Variants in PCDHGA10 observed in about 807,000 individuals in gnomAD.
PCDHGA10 encodes the protein protocadherin gamma-A10.
In PCDHGA10, 42 loss-of-function variants were observed where a neutral mutation model predicts 59.5. The observed-to-expected ratio is 0.71, with a 90% CI of 0.55 to 0.91. The LOEUF (loss-of-function observed/expected upper bound fraction) is 0.91. Ranked by LOEUF, PCDHGA10 falls within the 40% of genes least tolerant of loss-of-function variation. PCDHGA10 has a pLI of 0.00. For missense variants in PCDHGA10, 1,111 were observed against 1,198.2 expected (o/e 0.93, Z 1.07); for synonymous variants, 511 against 517.2 (o/e 0.99, Z 0.16).
rs1175280816 is a variant in PCDHGA10 at position 141,511,121 on chromosome 5, C to T, written c.2759C>T (p.Pro920Leu). 2 of 1,614,102 alleles carry T rather than the reference C, an allele frequency of 1.2e-6. No homozygotes were observed. Among genetic ancestry groups the T allele is most frequent in the African/African-American group, 1.3e-5 (1 of 74,938 alleles). Residue 920 changes from proline (P) to leucine (L), a missense_variant, in exon 4 of 4, where the codon CCA becomes CTA. Transcript: ENST00000398610. ...GCTGGCAAGCGGGATGGCAAGGCCCCAGCAGGTGGCAATGGCAACAAGAAG... is the reference window on the plus strand; with the variant it reads ...GCTGGCAAGCGGGATGGCAAGGCCCTAGCAGGTGGCAATGGCAACAAGAAG... ...NAAGKRDGKA[P>L]AGGNGNKKKS...
In PCDHGA10 at chr5:141,413,298, G is replaced by A. The variant is rs1672233901; in HGVS notation, c.123G>A (p.Glu41=). The change falls in exon 1 of 4, where the codon GAG becomes GAA. Residue 41 remains glutamate (E), a synonymous_variant. Coordinates refer to ENST00000398610, the MANE Select transcript of PCDHGA10 (RefSeq NM_018913.3). The part of the protein sequence containing the change: ...GARQISYSIP[E]ELEKGSFVGN... ...GGCAGATCTCCTACTCAATTCCTGA[G>A]GAATTAGAGAAAGGCTCTTTCGTGG... is the stretch of plus-strand genomic sequence containing the variant. 1.9e-6 allele frequency: 3 copies of A among 1,613,950 alleles called. No individual in the cohort carries two copies. Among genetic ancestry groups the A allele is most frequent in the Non-Finnish European group, 2.5e-6 (3 of 1,179,914 alleles).
At chr5:141,450,831 T>TATA (rs761717068) in intron 1 of PCDHGA10, among the ~76,000 whole-genome samples, 3 of 144,648 alleles carry the variant, frequency 2.1e-5, no homozygotes, top group Non-Finnish European at 4.5e-5. Flanking sequence ...TTATTATTAT[T>TATA]TTTTTTTTTT....
rs551289441 is a variant in PCDHGA10, at chr5:141,444,102, C to T, written c.2436+28491C>T. ...TGAAAAGTCTGCTAAGGATTGGAAACCAAGAAAAGTGAAGTATCTCAACAG... is the reference window on the plus strand; with the variant it reads ...TGAAAAGTCTGCTAAGGATTGGAAATCAAGAAAAGTGAAGTATCTCAACAG... On this transcript the variant is annotated intron_variant, in intron 1 of 3. Coordinates refer to ENST00000398610, the MANE Select transcript of PCDHGA10 (RefSeq NM_018913.3). Among the ~76,000 whole-genome samples the T allele has an allele frequency of 1.5e-3, 216 of 144,128 alleles. 1 individual carries two copies. Among genetic ancestry groups the T allele is most frequent in the African/African-American group, 5.4e-3 (211 of 38,798 alleles). 94.6% of individuals were successfully genotyped at this position (144,128 alleles called of 152,430 possible).
At chr5:141,420,190 A>T in intron 1 of PCDHGA10, 3 of 1,613,922 alleles carry the variant, frequency 1.9e-6, no homozygotes, top group Non-Finnish European at 2.5e-6. Flanking sequence ...GTCCAGCCAC[A>T]CAAGATAACC....
At chr5:141,446,079 A>T (rs2098487021) in intron 1 of PCDHGA10, among the ~76,000 whole-genome samples, 1 of 152,234 alleles carries the variant, frequency 6.6e-6, no homozygotes, top group Non-Finnish European at 1.5e-5. Context: ...CAGTGGATGT[A>T]GAAATAAATG....
Position 141,490,310 on chromosome 5 carries a change from A to G in PCDHGA10, c.2437-4497A>G. 2 of 1,614,082 alleles carry G rather than the reference A, an allele frequency of 1.2e-6. No homozygotes were observed. Among genetic ancestry groups the G allele is most frequent in the South Asian group, 2.2e-5 (2 of 91,078 alleles). ...GAGGTGCTATTGGCCTCTTTGGCCA[A>G]CCCTGTCCTAGAGAGCACACCAGTG... On this transcript the variant is annotated intron_variant, in intron 1 of 3. Transcript: ENST00000398610. The surrounding 1 kb of genome is among the most constrained non-coding windows in gnomAD (Gnocchi z 5.4).
At chr5:141,461,892 C>T (rs976827774) in intron 1 of PCDHGA10, among the ~76,000 whole-genome samples, 2 of 152,030 alleles carry the variant, frequency 1.3e-5, no homozygotes, top group Non-Finnish European at 2.9e-5. Context: ...GGCACGATCT[C>T]GGCTCACTGC....
In PCDHGA10 at chr5:141,490,052, A is replaced by G. The variant is rs774710472; in HGVS notation, c.2437-4755A>G. 11 of 1,614,098 alleles carry G rather than the reference A, an allele frequency of 6.8e-6. No homozygotes were observed. The highest frequency in any genetic ancestry group is 9.3e-6 in the Non-Finnish European group (11 of 1,180,014). On this transcript the variant is annotated intron_variant, in intron 1 of 3. Transcript: ENST00000398610. The surrounding 1 kb of genome is among the most constrained non-coding windows in gnomAD (Gnocchi z 5.4). ...CGCCTCAATGCCACTGATCCAGACG[A>G]GGGCACCAACGGCCAACTAGACTAT... is the stretch of plus-strand genomic sequence containing the variant.
chr5:141,492,206 G>A (rs1180294159), intron 1 of PCDHGA10, among the ~76,000 whole-genome samples: 2 of 152,204 alleles, frequency 1.3e-5, no homozygotes, highest in Non-Finnish European at 2.9e-5. Context: ...TTAGGTGTGC[G>A]CGCGGGGCTC....
intron 1 of PCDHGA10, chr5:141,441,746 C>T: frequency 2.7e-6 from 1 of 371,314 alleles, no homozygotes; most frequent in East Asian, 9.8e-5. Flanking sequence ...TCGCGCTCGG[C>T]GTCAACGTGA....
chr5:141,415,533 G>C lies in PCDHGA10; in HGVS notation c.2358G>C (p.Gln786His), dbSNP rs749139053. Residue 786 changes from glutamine to histidine, a missense_variant, in exon 1 of 4, where the codon CAG becomes CAC. By Grantham distance (24) the Gln-to-His change is conservative (BLOSUM62 0). Coordinates refer to ENST00000398610, the MANE Select transcript of PCDHGA10 (RefSeq NM_018913.3). ...QPNYADTLIS[Q>H]ESCEKNDPLS... ...ATTATGCGGACACGCTCATCAGCCA[G>C]GAGAGCTGTGAGAAAAACGATCCTT... is the stretch of plus-strand genomic sequence containing the variant. 1.4e-5 allele frequency: 22 copies of C among 1,614,080 alleles called. No individual in the cohort carries two copies. Among genetic ancestry groups the C allele is most frequent in the Non-Finnish European group, 1.9e-5 (22 of 1,180,042 alleles).
At position 141,490,688 on chromosome 5, in the gene PCDHGA10, C is replaced by A; in HGVS notation, c.2437-4119C>A. ...ACTGTGGCTGCCTCAGATCCAGACA[C>A]TGGGGATAATGCCCGCCTCACCTAC... On this transcript the variant is annotated intron_variant, in intron 1 of 3. Coordinates refer to ENST00000398610, the MANE Select transcript of PCDHGA10 (RefSeq NM_018913.3). The surrounding 1 kb of genome is among the most constrained non-coding windows in gnomAD (Gnocchi z 5.4). The A allele has an allele frequency of 6.2e-7, 1 of 1,614,218 alleles. No individual in the cohort carries two copies. The highest frequency in any genetic ancestry group is 8.5e-7 in the Non-Finnish European group (1 of 1,180,032).
Position 141,476,489 on chromosome 5 carries a change from A to G in PCDHGA10, c.2437-18318A>G. ...GGAGCTGTTCAGCGTGGAAGTGGTGATCCAGGACATCAACGACAACAATCC... is the reference window on the plus strand; with the variant it reads ...GGAGCTGTTCAGCGTGGAAGTGGTGGTCCAGGACATCAACGACAACAATCC... On this transcript the variant is annotated intron_variant, in intron 1 of 3. Coordinates refer to ENST00000398610, the MANE Select transcript of PCDHGA10 (RefSeq NM_018913.3). The surrounding 1 kb of genome is among the most constrained non-coding windows in gnomAD (Gnocchi z 7.6). The G allele has an allele frequency of 6.2e-7, 1 of 1,613,928 alleles. No individual in the cohort carries two copies. Among genetic ancestry groups the G allele is most frequent in the Non-Finnish European group, 8.5e-7 (1 of 1,179,976 alleles).
intron 3 of PCDHGA10, among the ~76,000 whole-genome samples, chr5:141,510,194 G>T (rs920127442): frequency 6.6e-6 from 1 of 151,462 alleles, no homozygotes. Context: ...AATCACTTGA[G>T]CCCAGGAGGC....
chr5:141,430,587 T>C, intron 1 of PCDHGA10: 1 of 521,996 alleles, frequency 1.9e-6, no homozygotes, highest in Non-Finnish European at 3.1e-6. Context: ...CCTGCTCGCC[T>C]TGCACGCGCC....
At chr5:141,488,687 GA>G (rs1238909682) in intron 1 of PCDHGA10, among the ~76,000 whole-genome samples, 1 of 152,192 alleles carries the variant, frequency 6.6e-6, no homozygotes, top group East Asian at 1.9e-4. Flanking sequence ...GCCTCTCCCA[GA>G]AGGACAAGAT....
In PCDHGA10 at chr5:141,477,815, G is replaced by C; in HGVS notation, c.2437-16992G>C. On this transcript the variant is annotated intron_variant, in intron 1 of 3. Coordinates refer to ENST00000398610, the MANE Select transcript of PCDHGA10 (RefSeq NM_018913.3). The surrounding 1 kb of genome is among the most constrained non-coding windows in gnomAD (Gnocchi z 4.9). ...TGATCGCAATGACAATGCCCCCCAG[G>C]TCCTATATCCTCGGCCAGGTGGGAG... 1 of 1,614,106 alleles carries C rather than the reference G, an allele frequency of 6.2e-7. No homozygotes were observed. Among genetic ancestry groups the C allele is most frequent in the Non-Finnish European group, 8.5e-7 (1 of 1,180,034 alleles).
At chr5:141,501,606 G>A (rs2099810134) in intron 2 of PCDHGA10, among the ~76,000 whole-genome samples, 1 of 152,012 alleles carries the variant, frequency 6.6e-6, no homozygotes, top group African/African-American at 2.4e-5. Flanking sequence ...AGTTCCAGCT[G>A]TGTGACTCTG....
Position 141,447,603 on chromosome 5 carries a change from T to G in PCDHGA10, c.2436+31992T>G, listed in dbSNP as rs146950525. On this transcript the variant is annotated intron_variant, in intron 1 of 3. Transcript: ENST00000398610. ...ATACCTTAAACATCCTATAGAGTCC[T>G]TAGCATTTTAAAGTTGAAACCAACA... Among the ~76,000 whole-genome samples, 378 of 152,270 alleles carry G rather than the reference T, an allele frequency of 2.5e-3. 1 individual carries two copies. Among genetic ancestry groups the G allele is most frequent in the Non-Finnish European group, 4.5e-3 (309 of 68,030 alleles).
Sources: gnomAD v4.1 joint callset for allele counts (sites outside exome capture counted in the v4.1 genomes callset) on GRCh38, gnomAD v4.1.1 for gene constraint, Gnocchi (gnomAD v3.1) non-coding constraint, MANE v1.5 for transcripts, NCBI Gene and HGNC (gene_info 2026-07-23, HGNC 2026-07-21) for gene names.